The following FHIT variants were observed in gnomAD, a reference collection of about 807,000 sequenced individuals.
FHIT encodes the protein bis(5'-adenosyl)-triphosphatase.
In FHIT, 19 loss-of-function variants were observed where a neutral mutation model predicts 17.9. The observed-to-expected ratio is 1.06, with a 90% CI of 0.74 to 1.56. FHIT has a LOEUF of 1.56. Ranked by LOEUF, FHIT falls within the 40% of genes most tolerant of loss-of-function variation. FHIT has a pLI of 0.00. For missense variants in FHIT, 248 were observed against 189.2 expected (o/e 1.31, Z -1.82); for synonymous variants, 81 against 69.7 (o/e 1.16, Z -0.81).
intron 2 of FHIT, among the ~76,000 whole-genome samples, chr3:61,144,306 T>TGCG (rs1282146831): frequency 6.6e-6 from 1 of 152,250 alleles, no homozygotes; most frequent in African/African-American, 2.4e-5. Flanking sequence ...TGTGTCCTTT[T>TGCG]GCGACTAGCT....
intron 8 of FHIT, among the ~76,000 whole-genome samples, chr3:59,813,783 C>T (rs773405817): frequency 4.6e-5 from 7 of 151,988 alleles, no homozygotes; most frequent in East Asian, 3.9e-4. Flanking sequence ...GCTCCTGGTG[C>T]GGGGTTGGGC....
At chr3:61,145,215 T>A (rs771441329) in intron 2 of FHIT, among the ~76,000 whole-genome samples, 4 of 152,138 alleles carry the variant, frequency 2.6e-5, no homozygotes, top group African/African-American at 9.6e-5. Context: ...TTGTTGTGTA[T>A]GGTGTGAGGT....
intron 5 of FHIT, among the ~76,000 whole-genome samples, chr3:60,211,030 A>AG (rs1703426791): frequency 6.7e-6 from 1 of 148,638 alleles, no homozygotes; most frequent in South Asian, 2.1e-4. Flanking sequence ...TGAGAAAAAA[A>AG]CATGGTACAT....
intron 8 of FHIT, among the ~76,000 whole-genome samples, chr3:59,806,097 C>T (rs892126500): frequency 9.9e-5 from 15 of 151,388 alleles, no homozygotes; most frequent in South Asian, 2.1e-4. Flanking sequence ...AGGAGAATGG[C>T]GTGAACCCAG....
chr3:60,842,741 T>C (rs549673525), intron 3 of FHIT, among the ~76,000 whole-genome samples: 2 of 150,538 alleles, frequency 1.3e-5, no homozygotes, highest in African/African-American at 4.9e-5. Flanking sequence ...TTCAAGTTAA[T>C]GTGGGCAAGA....
intron 5 of FHIT, among the ~76,000 whole-genome samples, chr3:60,150,330 C>T (rs1013431415): frequency 8.6e-5 from 13 of 151,948 alleles, no homozygotes; most frequent in African/African-American, 2.9e-4. Flanking sequence ...GTTAGGAATA[C>T]GGTACTGTAA....
intron 2 of FHIT, among the ~76,000 whole-genome samples, chr3:61,055,091 TG>T: frequency 1.0e-5 from 1 of 98,594 alleles, no homozygotes; most frequent in South Asian, 3.2e-4. Flanking sequence ...TAGTATCTTT[TG>T]TTTGTTTGTT....
intron 7 of FHIT, among the ~76,000 whole-genome samples, chr3:59,972,662 A>G (rs3772479): frequency 0.83 from 125,460 of 152,024 alleles, 52,470 homozygotes; most frequent in East Asian, 0.99. Flanking sequence ...CACAGCTTAA[A>G]GTCTTCACAG....
chr3:59,965,140 T>C (rs1395510393), intron 7 of FHIT, among the ~76,000 whole-genome samples: 3 of 152,128 alleles, frequency 2.0e-5, no homozygotes, highest in South Asian at 2.1e-4. Context: ...AAAACAATGG[T>C]TATATTATGA....
chr3:60,494,791 T>C (rs1456907224), intron 5 of FHIT, among the ~76,000 whole-genome samples: 1 of 152,208 alleles, frequency 6.6e-6, no homozygotes, highest in Non-Finnish European at 1.5e-5. Flanking sequence ...TTCATGTTGT[T>C]GCAAATGACA....
intron 3 of FHIT, among the ~76,000 whole-genome samples, chr3:60,879,965 C>T (rs1030083647): frequency 6.6e-6 from 1 of 150,930 alleles, no homozygotes; most frequent in African/African-American, 2.4e-5. Context: ...AAAAAAAAAA[C>T]CTAATTTAAT....
At chr3:61,135,391 C>T (rs896649700) in intron 2 of FHIT, among the ~76,000 whole-genome samples, 4 of 152,154 alleles carry the variant, frequency 2.6e-5, no homozygotes, top group African/African-American at 4.8e-5. Flanking sequence ...TTACTATGTG[C>T]CAGGCACTTT....
chr3:61,090,641 TG>T (rs1231219591), intron 2 of FHIT, among the ~76,000 whole-genome samples: 3 of 152,298 alleles, frequency 2.0e-5, no homozygotes, highest in Admixed American at 2.0e-4. Flanking sequence ...TATGCATGTG[TG>T]GCTGTGAATG....
intron 5 of FHIT, among the ~76,000 whole-genome samples, chr3:60,417,645 A>T (rs938789979): frequency 6.6e-6 from 1 of 152,184 alleles, no homozygotes; most frequent in Non-Finnish European, 1.5e-5. Flanking sequence ...GAGGCAGATG[A>T]CAGCATCAAG....
intron 4 of FHIT, among the ~76,000 whole-genome samples, chr3:60,624,166 G>A (rs1229810578): frequency 6.6e-6 from 1 of 152,176 alleles, no homozygotes; most frequent in Non-Finnish European, 1.5e-5. Flanking sequence ...GTGGTGTGAA[G>A]GCAAAAGCCA....
intron 2 of FHIT, among the ~76,000 whole-genome samples, chr3:61,176,743 T>C (rs1417574917): frequency 1.3e-5 from 2 of 152,174 alleles, no homozygotes; most frequent in Admixed American, 6.5e-5. Flanking sequence ...ACTGACATGA[T>C]GCTGATGAAG....
intron 5 of FHIT, among the ~76,000 whole-genome samples, chr3:60,175,699 G>A (rs1431666182): frequency 1.3e-5 from 2 of 151,864 alleles, no homozygotes; most frequent in Admixed American, 6.6e-5. Context: ...TTTTCAGAAG[G>A]GCAACAAGAA....
At chr3:61,100,277 T>C (rs1232193091) in intron 2 of FHIT, among the ~76,000 whole-genome samples, 3 of 152,178 alleles carry the variant, frequency 2.0e-5, no homozygotes, top group African/African-American at 7.2e-5. Flanking sequence ...GATCTCATTG[T>C]TCAATTCCCA....
At chr3:59,899,726 G>T (rs1279282939) in intron 8 of FHIT, among the ~76,000 whole-genome samples, 1 of 151,984 alleles carries the variant, frequency 6.6e-6, no homozygotes, top group South Asian at 2.1e-4. Context: ...TACGCCTGTA[G>T]TCCCAGCTAC....
Sources: allele counts gnomAD v4.1 joint callset (sites outside exome capture counted in the v4.1 genomes callset), GRCh38; gene constraint gnomAD v4.1.1; transcripts MANE v1.5; gene names NCBI Gene and HGNC (gene_info 2026-07-23, HGNC 2026-07-21).